SAMMSON: variants seen among roughly 807,000 people sequenced by gnomAD.
SAMMSON encodes the protein long intergenic non-protein coding RNA 1212.
chr3:70,184,018 G>C (rs1333760102), intron 4 of SAMMSON: 1 of 152,164 alleles, frequency 6.6e-6, no homozygotes. Context: ...GCAGATGGAT[G>C]CTCCATGTTG....
chr3:70,260,154 A>G (rs575656694), intron 6 of SAMMSON, among the ~76,000 whole-genome samples: 6 of 152,314 alleles, frequency 3.9e-5, no homozygotes, highest in African/African-American at 1.4e-4. Flanking sequence ...CGGCAGAGCC[A>G]TGTTCCCTCT....
intron 9 of SAMMSON, among the ~76,000 whole-genome samples, chr3:70,386,501 A>G (rs995253571): frequency 2.0e-5 from 3 of 152,280 alleles, no homozygotes; most frequent in East Asian, 1.9e-4. Context: ...GAAGAAACCA[A>G]TGAATTAGAG....
chr3:70,173,651 C>T (rs1407440200), intron 4 of SAMMSON, among the ~76,000 whole-genome samples: 1 of 151,788 alleles, frequency 6.6e-6, no homozygotes, highest in African/African-American at 2.4e-5. Flanking sequence ...TTCCCTGAAC[C>T]ATTAGTTGCT....
chr3:70,339,534 A>G (rs1183392542), intron 7 of SAMMSON, among the ~76,000 whole-genome samples: 1 of 152,208 alleles, frequency 6.6e-6, no homozygotes, highest in Non-Finnish European at 1.5e-5. Context: ...CAGAATCTAC[A>G]AAGAACTTAA....
intron 3 of SAMMSON, among the ~76,000 whole-genome samples, chr3:70,046,918 T>A (rs1201414596): frequency 6.6e-6 from 1 of 152,044 alleles, no homozygotes; most frequent in Non-Finnish European, 1.5e-5. Flanking sequence ...TCTGACATCA[T>A]CAGGGAAAGG....
At chr3:70,061,401 C>CGTAT (rs985692936) in intron 3 of SAMMSON, among the ~76,000 whole-genome samples, 4 of 152,046 alleles carry the variant, frequency 2.6e-5, no homozygotes, top group African/African-American at 9.7e-5. Context: ...GTTTGGCCTG[C>CGTAT]GTAATGTTTA....
chr3:70,034,084 A>C (rs1480635816), intron 3 of SAMMSON, among the ~76,000 whole-genome samples: 1 of 152,164 alleles, frequency 6.6e-6, no homozygotes, highest in Non-Finnish European at 1.5e-5. Flanking sequence ...TTTGTACTGG[A>C]TACCATGGAA....
chr3:70,184,421 A>G (rs1297639171), intron 4 of SAMMSON, among the ~76,000 whole-genome samples: 5 of 152,174 alleles, frequency 3.3e-5, no homozygotes, highest in African/African-American at 9.7e-5. Context: ...GCTTCCAAAC[A>G]ACCTTCGGAA....
intron 4 of SAMMSON, among the ~76,000 whole-genome samples, chr3:70,207,027 T>C (rs2106724820): frequency 7.0e-6 from 1 of 143,002 alleles, no homozygotes. Context: ...GTAACACTTA[T>C]TTCTACTTTT....
intron 4 of SAMMSON, among the ~76,000 whole-genome samples, chr3:70,160,929 T>G (rs571552640): frequency 2.6e-5 from 4 of 152,214 alleles, no homozygotes; most frequent in African/African-American, 7.2e-5. Context: ...ATCTTATTCT[T>G]TTTGATGCTA....
chr3:70,240,518 C>G (rs1701657138), intron 4 of SAMMSON, among the ~76,000 whole-genome samples: 1 of 152,124 alleles, frequency 6.6e-6, no homozygotes, highest in Non-Finnish European at 1.5e-5. Flanking sequence ...GCCCTTCTTA[C>G]TGTGAAAATC....
intron 4 of SAMMSON, among the ~76,000 whole-genome samples, chr3:70,175,975 C>G (rs78127216): frequency 0.031 from 4,746 of 152,126 alleles, 183 homozygotes; most frequent in East Asian, 0.2. Flanking sequence ...CAAGAGCACA[C>G]TTCATCTAGA....
chr3:70,031,773 C>T (rs575030244), intron 3 of SAMMSON, among the ~76,000 whole-genome samples: 36 of 152,156 alleles, frequency 2.4e-4, no homozygotes, highest in African/African-American at 7.5e-4. Context: ...CAAGAGAATT[C>T]GATGATGAGA....
intron 3 of SAMMSON, among the ~76,000 whole-genome samples, chr3:70,066,784 T>A (rs955477678): frequency 2.0e-5 from 3 of 152,056 alleles, no homozygotes; most frequent in African/African-American, 7.2e-5. Context: ...AAACAGCAGG[T>A]AGGGGCGGCT....
chr3:70,413,417 C>G (rs1701237703), intron 2 of SAMMSON, among the ~76,000 whole-genome samples: 1 of 152,058 alleles, frequency 6.6e-6, no homozygotes, highest in Non-Finnish European at 1.5e-5. Context: ...CAAAGTCACC[C>G]TGAAAAGGAC....
intron 4 of SAMMSON, among the ~76,000 whole-genome samples, chr3:70,192,726 T>A (rs763014566): frequency 2.6e-5 from 4 of 152,224 alleles, no homozygotes; most frequent in Non-Finnish European, 5.9e-5. Context: ...TGAAGAATCA[T>A]ATTCGTAGTA....
At chr3:70,216,926 A>G (rs972392096) in intron 4 of SAMMSON, among the ~76,000 whole-genome samples, 9 of 152,138 alleles carry the variant, frequency 5.9e-5, no homozygotes, top group African/African-American at 2.2e-4. Flanking sequence ...CCTTCCCCTC[A>G]CCACCAAAAC....
Position 70,395,112 on chromosome 3 carries a change from C to T in SAMMSON, n.233+36788C>T, listed in dbSNP as rs147011064. Among the ~76,000 whole-genome samples, 3 of 152,212 alleles carry T rather than the reference C, an allele frequency of 2.0e-5. No individual in the cohort carries two copies. In the East Asian group the frequency reaches 5.8e-4, roughly 29 times the overall value. ...ACTGCTTAGCAGCTTTGCTGTGGAC[C>T]AAGCATCTCTCAGAAACATACCTTT... On this transcript the variant is annotated intron_variant and non_coding_transcript_variant, in intron 2 of 3. Transcript: ENST00000641053.
chr3:70,031,389 TA>T (rs1371812698), intron 3 of SAMMSON, among the ~76,000 whole-genome samples: 3 of 151,622 alleles, frequency 2.0e-5, no homozygotes, highest in Non-Finnish European at 2.9e-5. Flanking sequence ...TTGGGGGAGA[TA>T]GGGGGTATGG....
Sources: allele counts gnomAD v4.1 joint callset (sites outside exome capture counted in the v4.1 genomes callset), GRCh38; gene constraint gnomAD v4.1.1; transcripts MANE v1.5; gene names NCBI Gene and HGNC (gene_info 2026-07-23, HGNC 2026-07-21).